The following GABRA3 variants were observed in gnomAD, a reference collection of about 807,000 sequenced individuals.
GABRA3 encodes gamma-aminobutyric acid type A receptor subunit alpha3, also known as gamma-aminobutyric acid receptor subunit alpha-3.
GABRA3 carries 10 observed loss-of-function variants against 30.1 expected under a neutral mutation model. The observed-to-expected ratio is 0.33, with a 90% CI of 0.20 to 0.56. The LOEUF (loss-of-function observed/expected upper bound fraction) is 0.56, where lower values mean the gene tolerates loss of function less well. Among genes scored for constraint, GABRA3 ranks in the 20% least tolerant of loss-of-function variants. The probability of loss-of-function intolerance (pLI) is 0.89; values close to 1 mark genes in which losing one functional copy is unlikely to be tolerated. For synonymous variants in GABRA3, 151 were observed against 146.8 expected (o/e 1.03, Z -0.21); for missense variants, 233 against 392.0 (o/e 0.59, Z 3.42).
At chrX:152,276,008 T>C (rs1425552650) in intron 4 of GABRA3, among the ~76,000 whole-genome samples, 1 of 110,603 alleles carries the variant, frequency 9.0e-6, no homozygotes, top group Non-Finnish European at 1.9e-5. Flanking sequence ...AGGAAATCTA[T>C]TGATGTAATT....
chrX:152,198,730 T>C (rs756845190), intron 7 of GABRA3, among the ~76,000 whole-genome samples: 19 of 112,091 alleles, frequency 1.7e-4, no homozygotes, highest in African/African-American at 6.2e-4. Context: ...AGCTCTGTAC[T>C]TGCACTTCTT....
At chrX:152,343,345 T>C (rs1940342189) in intron 3 of GABRA3, among the ~76,000 whole-genome samples, 2 of 110,673 alleles carry the variant, frequency 1.8e-5, no homozygotes, top group Admixed American at 1.9e-4. Flanking sequence ...TATAAAACAC[T>C]ATATATTTGT....
At chrX:152,313,496 G>A (rs1042698418) in intron 3 of GABRA3, among the ~76,000 whole-genome samples, 4 of 111,823 alleles carry the variant, frequency 3.6e-5, no homozygotes, top group Non-Finnish European at 3.8e-5. Context: ...TGCCCAGTCT[G>A]CGCTCAGCAC....
intron 1 of GABRA3, among the ~76,000 whole-genome samples, chrX:152,425,623 T>C (rs1930498177): frequency 9.0e-6 from 1 of 111,482 alleles, no homozygotes; most frequent in Admixed American, 9.6e-5. Context: ...TAAGTAATAT[T>C]GTGCCCTTAG....
At chrX:152,231,289 A>T (rs1185504330) in intron 5 of GABRA3, among the ~76,000 whole-genome samples, 1 of 108,851 alleles carries the variant, frequency 9.2e-6, no homozygotes, top group African/African-American at 3.3e-5. Flanking sequence ...GTATACATAT[A>T]CGTGTATATA....
intron 2 of GABRA3, among the ~76,000 whole-genome samples, chrX:152,361,892 T>C (rs182099700): frequency 3.6e-5 from 4 of 112,344 alleles, no homozygotes; most frequent in Admixed American, 9.4e-5. Context: ...TAGAAAACTA[T>C]ATTATCAGAG....
At chrX:152,169,674 C>A (rs769911377) in intron 9 of GABRA3, among the ~76,000 whole-genome samples, 5 of 111,789 alleles carry the variant, frequency 4.5e-5, no homozygotes, top group Non-Finnish European at 7.5e-5. Flanking sequence ...TTGCCTCATT[C>A]CTCACTCTGG....
At chrX:152,250,131 T>C (rs779430622) in intron 5 of GABRA3, among the ~76,000 whole-genome samples, 2 of 111,812 alleles carry the variant, frequency 1.8e-5, no homozygotes, top group South Asian at 7.4e-4. Flanking sequence ...AGGGACAAAC[T>C]ATGCAGCACC....
intron 5 of GABRA3, among the ~76,000 whole-genome samples, chrX:152,242,939 A>G (rs1442664328): frequency 8.9e-6 from 1 of 112,459 alleles, no homozygotes. Context: ...AGCATTATTC[A>G]CAATAGCCAA....
Position 152,345,626 on chromosome X carries a change from G to A in GABRA3, c.217C>T (p.Arg73Cys). 1 of 1,208,487 alleles carries A rather than the reference G, an allele frequency of 8.3e-7. No homozygotes were observed. Among genetic ancestry groups the A allele is most frequent in the South Asian group, 1.8e-5 (1 of 56,635 alleles). The change falls in exon 3 of 10, where the codon CGT (arginine) becomes TGT (cysteine). Residue 73 changes from arginine (R) to cysteine (C), a missense_variant. Coordinates refer to ENST00000370314, the MANE Select transcript of GABRA3 (RefSeq NM_000808.4). ...NITIFTRILDRLLDGYDNRLR... is the reference protein window; with the variant it reads ...NITIFTRILDCLLDGYDNRLR... ...CGGTTGTCATAGCCGTCCAGAAGAC[G>A]ATCCAAGATTCTGGTGAAGATAGTG...
At chrX:152,221,770 T>C (rs1480041508) in intron 6 of GABRA3, among the ~76,000 whole-genome samples, 12 of 111,873 alleles carry the variant, frequency 1.1e-4, no homozygotes, top group Admixed American at 9.5e-5. Flanking sequence ...TGCAGGTCTG[T>C]TACATAGGTA....
chrX:152,221,654 A>T (rs1179641044), intron 6 of GABRA3, among the ~76,000 whole-genome samples: 1 of 111,653 alleles, frequency 9.0e-6, no homozygotes, highest in Non-Finnish European at 1.9e-5. Flanking sequence ...CCTTTACTTA[A>T]TTATTGCTTT....
chrX:152,268,223 A>G (rs904059160), intron 4 of GABRA3, among the ~76,000 whole-genome samples: 1 of 110,568 alleles, frequency 9.0e-6, no homozygotes, highest in Non-Finnish European at 1.9e-5. Flanking sequence ...TTGCTTTGTG[A>G]TAAGGTTTTG....
At chrX:152,360,709 A>T (rs1928460944) in intron 2 of GABRA3, among the ~76,000 whole-genome samples, 2 of 90,122 alleles carry the variant, frequency 2.2e-5, no homozygotes, top group Non-Finnish European at 4.3e-5. Flanking sequence ...AAAAAAAAAA[A>T]ATTAAAAAAA....
intron 3 of GABRA3, among the ~76,000 whole-genome samples, chrX:152,286,589 A>G (rs371471281): frequency 9.0e-6 from 1 of 111,376 alleles, no homozygotes; most frequent in South Asian, 3.8e-4. Flanking sequence ...CATCTGTACC[A>G]TATTAGCTGT....
intron 1 of GABRA3, among the ~76,000 whole-genome samples, chrX:152,420,057 C>G (rs1465437769): frequency 1.8e-5 from 2 of 111,658 alleles, no homozygotes; most frequent in African/African-American, 6.5e-5. Context: ...GAAAAAAAAT[C>G]TGATAAAATT....
intron 5 of GABRA3, among the ~76,000 whole-genome samples, chrX:152,255,173 T>C (rs1938617156): frequency 8.9e-6 from 1 of 111,864 alleles, no homozygotes; most frequent in African/African-American, 3.2e-5. Flanking sequence ...CATGTATAGA[T>C]AGATAGAGAT....
At chrX:152,180,096 C>A (rs147684770) in intron 9 of GABRA3, among the ~76,000 whole-genome samples, 1,403 of 111,650 alleles carry the variant, frequency 0.013, 28 homozygotes, top group African/African-American at 0.043. Flanking sequence ...GGTCGATCAA[C>A]CATTTGGTAT....
At chrX:152,247,165 A>G (rs749019894) in intron 5 of GABRA3, among the ~76,000 whole-genome samples, 1 of 112,025 alleles carries the variant, frequency 8.9e-6, no homozygotes, top group African/African-American at 3.2e-5. Flanking sequence ...TGGTCTCAAT[A>G]TGATAGCAAC....
Sources: gnomAD v4.1 joint callset for allele counts (sites outside exome capture counted in the v4.1 genomes callset) on GRCh38, gnomAD v4.1.1 for gene constraint, MANE v1.5 for transcripts, NCBI Gene and HGNC (gene_info 2026-07-23, HGNC 2026-07-21) for gene names.